EDIL3: variants seen among roughly 807,000 people sequenced by gnomAD.
EDIL3 encodes the protein EGF like and discoidin domains 3.
In EDIL3, 37 loss-of-function variants were observed where a neutral mutation model predicts 67.4. The observed-to-expected ratio is 0.55, with a 90% CI of 0.42 to 0.72. The LOEUF is 0.72. EDIL3 is among the 30% of genes least tolerant of loss of function. The probability of loss-of-function intolerance (pLI) is 0.00; values close to 1 mark genes in which losing one functional copy is unlikely to be tolerated. For synonymous variants in EDIL3, 195 were observed against 196.3 expected (o/e 0.99, Z 0.05); for missense variants, 527 against 586.3 (o/e 0.90, Z 1.04).
chr5:84,165,484 C>T (rs1748689107), intron 4 of EDIL3, among the ~76,000 whole-genome samples: 1 of 152,136 alleles, frequency 6.6e-6, no homozygotes, highest in African/African-American at 2.4e-5. Flanking sequence ...CTAAGTGCTG[C>T]TAGCTCCTGC....
At chr5:84,154,844 C>T (rs1020200653) in intron 4 of EDIL3, among the ~76,000 whole-genome samples, 1 of 151,728 alleles carries the variant, frequency 6.6e-6, no homozygotes, top group Non-Finnish European at 1.5e-5. Context: ...GGATTACAAG[C>T]GCCCGCCACC....
Position 84,119,481 on chromosome 5 carries a change from T to C in EDIL3, c.470-12651A>G, listed in dbSNP as rs558553670. ...GCCTGGGGGAAATATAAACTATGGC[T>C]TCTTGTAATGAATGAAAATGAAATG... On this transcript the variant is annotated intron_variant, in intron 5 of 10. Transcript: ENST00000296591. Among the ~76,000 whole-genome samples the C allele has an allele frequency of 8.2e-4, 125 of 152,132 alleles. 1 individual carries two copies. The East Asian group carries it at 0.022, about 26-fold the overall frequency.
rs186224807 is a variant in EDIL3, at chr5:84,050,399, C to T, written c.1137+9901G>A. On this transcript the variant is annotated intron_variant, in intron 9 of 10. Transcript: ENST00000296591. ...CTCCCAGTGTGAGCGACACAGAAGA[C>T]GAGTGATTTCTGCATTTCCAACTGA... is the stretch of plus-strand genomic sequence containing the variant. Among the ~76,000 whole-genome samples, 55 of 152,254 alleles carry T rather than the reference C, an allele frequency of 3.6e-4. No homozygotes were observed. In the East Asian group the frequency reaches 8.9e-3, roughly 25 times the overall value.
chr5:84,365,154 T>C (rs1397148627), intron 1 of EDIL3, among the ~76,000 whole-genome samples: 1 of 152,108 alleles, frequency 6.6e-6, no homozygotes, highest in Non-Finnish European at 1.5e-5. Context: ...GTATATATGA[T>C]ATTTAAATAA....
intron 1 of EDIL3, among the ~76,000 whole-genome samples, chr5:84,359,357 A>T (rs115327044): frequency 7.9e-4 from 120 of 152,358 alleles, no homozygotes; most frequent in African/African-American, 2.7e-3. Flanking sequence ...TTATTACAAC[A>T]TATTACTAAT....
chr5:84,117,200 T>G (rs1055963202), intron 5 of EDIL3, among the ~76,000 whole-genome samples: 1 of 151,790 alleles, frequency 6.6e-6, no homozygotes, highest in African/African-American at 2.4e-5. Flanking sequence ...GCTAATTTTT[T>G]TTTGTATTTT....
At chr5:84,158,667 T>C (rs1020217014) in intron 4 of EDIL3, among the ~76,000 whole-genome samples, 3 of 152,024 alleles carry the variant, frequency 2.0e-5, no homozygotes, top group Non-Finnish European at 4.4e-5. Flanking sequence ...ATGGTAAAAT[T>C]GGATAGTTAA....
chr5:84,178,646 CAG>C, intron 4 of EDIL3, among the ~76,000 whole-genome samples: 1 of 152,288 alleles, frequency 6.6e-6, no homozygotes, highest in South Asian at 2.1e-4. Context: ...CTAAAAATCA[CAG>C]AGAGATCAAA....
At position 84,079,186 on chromosome 5, in the gene EDIL3, T is replaced by C. The variant is rs188887453; in HGVS notation, c.652-12580A>G. 3.3e-5 allele frequency among the ~76,000 whole-genome samples: 5 copies of C among 152,240 alleles called. No homozygotes were observed. The East Asian group carries it at 9.7e-4, about 29-fold the overall frequency. On this transcript the variant is annotated intron_variant, in intron 6 of 10. Transcript: ENST00000296591. ...GAAGTTCCTCTTCTCTTCTCCCATA[T>C]CTCACCCTATGCTTCTCATCTGCTT... is the stretch of plus-strand genomic sequence containing the variant.
chr5:84,161,262 A>G (rs369146850), intron 4 of EDIL3, among the ~76,000 whole-genome samples: 3 of 152,182 alleles, frequency 2.0e-5, no homozygotes, highest in East Asian at 3.9e-4. Flanking sequence ...TTAAATAGAT[A>G]AACTGTTCCC....
At position 83,943,452 on chromosome 5, in the gene EDIL3, C is replaced by A; in HGVS notation, c.1410G>T (p.Arg470=). The A allele has an allele frequency of 6.2e-7, 1 of 1,612,734 alleles. No homozygotes were observed. The highest frequency in any genetic ancestry group is 8.5e-7 in the Non-Finnish European group (1 of 1,179,204). Residue 470 remains arginine, a synonymous_variant, in exon 11 of 11, where the codon CGG becomes CGT. Coordinates refer to ENST00000296591, the MANE Select transcript of EDIL3 (RefSeq NM_005711.5). ...PWSWYGRITL[R]SELLGCTEEE ...CCTCTGTGCAGCCCAGCAGCTCTGA[C>A]CGCAATGTGATCCTCCCGTACCAGG... is the stretch of plus-strand genomic sequence containing the variant.
At chr5:84,275,959 GATTT>G (rs2112101622) in intron 1 of EDIL3, among the ~76,000 whole-genome samples, 1 of 152,234 alleles carries the variant, frequency 6.6e-6, no homozygotes, top group South Asian at 2.1e-4. Flanking sequence ...TTATTCACTG[GATTT>G]ATACATTTGC....
intron 1 of EDIL3, among the ~76,000 whole-genome samples, chr5:84,302,049 A>T (rs754302706): frequency 6.6e-6 from 1 of 152,312 alleles, no homozygotes; most frequent in South Asian, 2.1e-4. Context: ...CTTTATAAAG[A>T]GTATTGACTA....
At chr5:84,079,099 A>G (rs574926520) in intron 6 of EDIL3, among the ~76,000 whole-genome samples, 2 of 152,300 alleles carry the variant, frequency 1.3e-5, no homozygotes, top group South Asian at 4.1e-4. Flanking sequence ...CAGGTTTCAG[A>G]CAGCTTTCGG....
chr5:83,955,164 T>C (rs1744493205), intron 10 of EDIL3, among the ~76,000 whole-genome samples: 1 of 151,764 alleles, frequency 6.6e-6, no homozygotes, highest in African/African-American at 2.4e-5. Flanking sequence ...AATAAATAAG[T>C]CACACACAAA....
Position 83,941,291 on chromosome 5 carries a change from A to G in EDIL3, c.*2128T>C, listed in dbSNP as rs1744219321. 1 of 152,092 alleles carries G rather than the reference A, an allele frequency of 6.6e-6. No individual in the cohort carries two copies. Among genetic ancestry groups the G allele is most frequent in the South Asian group, 2.1e-4 (1 of 4,832 alleles). 9.4% of individuals were successfully genotyped at this position (152,092 alleles called of 1,614,324 possible). A position where few individuals can be genotyped will look rare whatever the true frequency, so the allele number is the denominator to read the frequency against. On this transcript the variant is annotated 3_prime_UTR_variant, in exon 11 of 11. Coordinates refer to ENST00000296591, the MANE Select transcript of EDIL3 (RefSeq NM_005711.5). The stretch of plus-strand genomic sequence containing the variant: ...GAAAATGAAAAAGCAAGAGAAACTC[A>G]TTTCAATGCTTTTTCTAAAAGGTAA...
chr5:84,004,350 C>T (rs1265400153), intron 9 of EDIL3, among the ~76,000 whole-genome samples: 3 of 152,014 alleles, frequency 2.0e-5, no homozygotes, highest in Non-Finnish European at 2.9e-5. Context: ...GAACATGCCA[C>T]CCAAAGAGAA....
At chr5:84,190,721 G>C (rs1308645766) in intron 3 of EDIL3, among the ~76,000 whole-genome samples, 2 of 151,626 alleles carry the variant, frequency 1.3e-5, no homozygotes, top group East Asian at 3.9e-4. Flanking sequence ...CTCTGACAGC[G>C]CTTCACCTTT....
Position 84,384,227 on chromosome 5 carries a change from C to G in EDIL3, c.67+81G>C, listed in dbSNP as rs1482879015. The G allele has an allele frequency of 2.1e-5, 32 of 1,503,426 alleles. 1 individual carries two copies. The highest frequency in any genetic ancestry group is 4.2e-5 in the Admixed American group (2 of 47,616). 93.1% of individuals were successfully genotyped at this position (1,503,426 alleles called of 1,614,324 possible). A position where few individuals can be genotyped will look rare whatever the true frequency, so the allele number is the denominator to read the frequency against. ...GCCACCCTTGGCACGCCGGAGGGAC[C>G]GCCTCCGGCCCCCTGCGCGGCGTTT... On this transcript the variant is annotated intron_variant, in intron 1 of 10. Coordinates refer to ENST00000296591, the MANE Select transcript of EDIL3 (RefSeq NM_005711.5).
Sources: allele counts gnomAD v4.1 joint callset (sites outside exome capture counted in the v4.1 genomes callset), GRCh38; gene constraint gnomAD v4.1.1; transcripts MANE v1.5; gene names NCBI Gene and HGNC (gene_info 2026-07-23, HGNC 2026-07-21).